The following TCERG1 variants were observed in gnomAD, a reference collection of about 807,000 sequenced individuals.
TCERG1 encodes TATA box binding protein (TBP)-associated factor, RNA polymerase II, S, 150kD.
A neutral mutation model predicts 144.7 loss-of-function variants in TCERG1; 37 were observed. The ratio of observed to expected loss-of-function variants is 0.26; its 90% CI spans 0.20 to 0.34. The LOEUF is 0.34. TCERG1 is among the 10% of genes least tolerant of loss of function. The pLI, the probability that TCERG1 is intolerant of heterozygous loss-of-function variation, is 1.00. For synonymous variants in TCERG1, 492 were observed against 458.2 expected (o/e 1.07, Z -0.94); for missense variants, 1,027 against 1,380.7 (o/e 0.74, Z 4.06).
At chr5:146,458,803 A>C in intron 3 of TCERG1, 81 bp from the exon 4 acceptor site, 2 of 1,516,482 alleles carry the variant, frequency 1.3e-6, no homozygotes, top group Admixed American at 2.1e-5. Context: ...AATAGCTTTA[A>C]AGATAAAATA....
At chr5:146,469,161 A>G (rs1764060872) in intron 6 of TCERG1, among the ~76,000 whole-genome samples, 1 of 152,178 alleles carries the variant, frequency 6.6e-6, no homozygotes, top group African/African-American at 2.4e-5. Flanking sequence ...CTAAGGAAAT[A>G]TGTGTAGTAA....
At chr5:146,452,298 G>T (rs2150174221) in intron 1 of TCERG1, among the ~76,000 whole-genome samples, 1 of 143,860 alleles carries the variant, frequency 7.0e-6, no homozygotes, top group South Asian at 2.3e-4. Context: ...GGACAGAAAT[G>T]TAGGTTTTTT....
At chr5:146,451,623 C>T (rs1581359695) in intron 1 of TCERG1, among the ~76,000 whole-genome samples, 3 of 151,098 alleles carry the variant, frequency 2.0e-5, no homozygotes, top group African/African-American at 7.3e-5. Flanking sequence ...GGGGGGCGTC[C>T]GGCCCATATT....
At chr5:146,483,990 TAAA>T (rs34476246) in intron 15 of TCERG1, among the ~76,000 whole-genome samples, 100 of 152,210 alleles carry the variant, frequency 6.6e-4, no homozygotes, top group African/African-American at 2.3e-3. Context: ...GTAAAAAGGA[TAAA>T]AAAGCTACTG....
Position 146,507,317 on chromosome 5 carries a change from G to T in TCERG1, c.2961+110G>T. 1 of 980,756 alleles carries T rather than the reference G, an allele frequency of 1.0e-6. No individual in the cohort carries two copies. Among genetic ancestry groups the T allele is most frequent in the African/African-American group, 1.7e-5 (1 of 59,446 alleles). The allele number at this position is 980,756 out of a possible 1,614,324, so 60.8% of individuals were successfully genotyped here. ...TGTCATGGTCTTTAGATTCATTACT[G>T]GAATGCATCTTATGACAATTCTCTG... On this transcript the variant is annotated intron_variant, in intron 20 of 22. Transcript: ENST00000679501. The surrounding 1 kb of genome is among the most constrained non-coding windows in gnomAD (Gnocchi z 4.6).
rs753408349 is a variant in TCERG1, at chr5:146,459,105, GGCCCAA to G, written c.672_677del (p.Ala241_Gln242del). The G allele has an allele frequency of 1.3e-4, 199 of 1,574,494 alleles. 1 individual carries two copies. The East Asian group carries it at 3.4e-3, about 27-fold the overall frequency. ...AGGCCCAGGCCCAGGCCCAGGCCCA[GGCCCAA>G]GCCCAAGCCCAGGCCCAGGCTCAGG... On this transcript the variant is annotated inframe_deletion, in exon 4 of 23. Coordinates refer to ENST00000679501, the MANE Select transcript of TCERG1 (RefSeq NM_001382548.1).
At chr5:146,466,935 G>T (rs1763845180) in intron 5 of TCERG1, among the ~76,000 whole-genome samples, 1 of 152,166 alleles carries the variant, frequency 6.6e-6, no homozygotes, top group African/African-American at 2.4e-5. Flanking sequence ...AGTTTAGTAG[G>T]TTCAGTGCTC....
chr5:146,472,497 A>G (rs1249059972), intron 9 of TCERG1, among the ~76,000 whole-genome samples: 2 of 152,166 alleles, frequency 1.3e-5, no homozygotes, highest in Non-Finnish European at 2.9e-5. Flanking sequence ...GGGGTGCCAC[A>G]AACCACACCC....
At chr5:146,478,953 C>T (rs1765093840) in intron 10 of TCERG1, among the ~76,000 whole-genome samples, 1 of 152,090 alleles carries the variant, frequency 6.6e-6, no homozygotes, top group South Asian at 2.1e-4. Flanking sequence ...ATCAATACTA[C>T]TAAAATGCTC....
chr5:146,495,937 G>A (rs994159744), intron 16 of TCERG1, among the ~76,000 whole-genome samples: 10 of 152,010 alleles, frequency 6.6e-5, no homozygotes, highest in Non-Finnish European at 1.3e-4. Context: ...GGTGGATCAC[G>A]AGGTCAGGAG....
At chr5:146,462,582 A>G (rs1229425811) in intron 4 of TCERG1, among the ~76,000 whole-genome samples, 1 of 152,174 alleles carries the variant, frequency 6.6e-6, no homozygotes, top group Non-Finnish European at 1.5e-5. Flanking sequence ...ATGATCCTGA[A>G]TTTCACATTT....
chr5:146,448,477 A>G (rs1268946623), intron 1 of TCERG1, among the ~76,000 whole-genome samples: 3 of 152,162 alleles, frequency 2.0e-5, no homozygotes. Flanking sequence ...TTTTTTCTGT[A>G]TGGGAGAAAT....
chr5:146,478,919 A>G (rs1252464122), intron 10 of TCERG1, among the ~76,000 whole-genome samples: 2 of 152,096 alleles, frequency 1.3e-5, no homozygotes, highest in East Asian at 3.8e-4. Flanking sequence ...TATGGTTGGT[A>G]GTGTTGCTGC....
At chr5:146,505,223 A>T (rs1248186484) in intron 19 of TCERG1, among the ~76,000 whole-genome samples, 1 of 152,124 alleles carries the variant, frequency 6.6e-6, no homozygotes, top group African/African-American at 2.4e-5. Flanking sequence ...CTTGTCCTAC[A>T]CCCTGGACAA....
chr5:146,508,752 T>G (rs75887010), intron 21 of TCERG1, among the ~76,000 whole-genome samples: 5 of 152,192 alleles, frequency 3.3e-5, no homozygotes, highest in African/African-American at 7.2e-5. Context: ...ATTACTCTTT[T>G]TGTTCTTGAA....
chr5:146,510,930 C>A lies in TCERG1; in HGVS notation c.*288C>A. 4.4e-6 allele frequency: 1 copy of A among 229,420 alleles called. No homozygotes were observed. The allele number at this position is 229,420 out of a possible 1,614,324, so 14.2% of individuals were successfully genotyped here. A position where few individuals can be genotyped will look rare whatever the true frequency, so the allele number is the denominator to read the frequency against. ...GGTGTGGAAGTCAGTGACTTGGTGA[C>A]GTTCTTCCTAGCAGTGTTAATACAT... On this transcript the variant is annotated 3_prime_UTR_variant, in exon 23 of 23. Transcript: ENST00000679501.
chr5:146,458,524 G>C (rs1256007776), intron 3 of TCERG1, among the ~76,000 whole-genome samples: 1 of 151,596 alleles, frequency 6.6e-6, no homozygotes, highest in Non-Finnish European at 1.5e-5. Flanking sequence ...CCAGGCTGGA[G>C]TGCAGTGGTA....
At chr5:146,456,882 A>G (rs952531500) in intron 2 of TCERG1, among the ~76,000 whole-genome samples, 1 of 152,212 alleles carries the variant, frequency 6.6e-6, no homozygotes, top group South Asian at 2.1e-4. Flanking sequence ...ATAAAAATCA[A>G]TTTTTTAAAA....
chr5:146,509,676 AT>A (rs367884559), intron 22 of TCERG1, among the ~76,000 whole-genome samples: 1 of 151,254 alleles, frequency 6.6e-6, no homozygotes, highest in Non-Finnish European at 1.5e-5. Flanking sequence ...CAGCATAAAC[AT>A]TTTTTTTTCC....
Sources: gnomAD v4.1 joint callset for allele counts (sites outside exome capture counted in the v4.1 genomes callset) on GRCh38, gnomAD v4.1.1 for gene constraint, Gnocchi (gnomAD v3.1) non-coding constraint, MANE v1.5 for transcripts, NCBI Gene and HGNC (gene_info 2026-07-23, HGNC 2026-07-21) for gene names.